CDC14B: variants seen among roughly 807,000 people sequenced by gnomAD.
CDC14B encodes the protein dual specificity protein phosphatase CDC14B.
Under a neutral mutation model 64.2 loss-of-function variants are expected in CDC14B, and 22 were observed. The observed-to-expected ratio is 0.34, with a 90% CI of 0.24 to 0.49. The LOEUF (loss-of-function observed/expected upper bound fraction) is 0.49, where lower values mean the gene tolerates loss of function less well. Ranked by LOEUF, CDC14B falls within the 20% of genes least tolerant of loss-of-function variation. The pLI is 0.99. For missense variants in CDC14B, 498 were observed against 629.9 expected (o/e 0.79, Z 2.24); for synonymous variants, 191 against 215.8 (o/e 0.89, Z 1.01).
intron 9 of CDC14B, among the ~76,000 whole-genome samples, chr9:96,527,243 C>T (rs1024718342): frequency 1.3e-5 from 2 of 152,046 alleles, no homozygotes; most frequent in African/African-American, 4.8e-5. Flanking sequence ...AGTAAAAATA[C>T]AAAAAATTAG....
intron 1 of CDC14B, among the ~76,000 whole-genome samples, chr9:96,576,365 T>C (rs907916412): frequency 6.6e-6 from 1 of 151,342 alleles, no homozygotes; most frequent in Non-Finnish European, 1.5e-5. Flanking sequence ...GCAAGGTCGC[T>C]CATGCCTGTA....
At chr9:96,594,714 CAAAAAAAAAAAAAA>C (rs11414625) in intron 1 of CDC14B, among the ~76,000 whole-genome samples, 704 of 42,460 alleles carry the variant, frequency 0.017, 19 homozygotes, top group African/African-American at 0.059. Context: ...AAGGCTGTCT[CAAAAAAAAAAAAAA>C]AAAAAAAAAA....
intron 1 of CDC14B, among the ~76,000 whole-genome samples, chr9:96,616,100 G>C (rs1003087644): frequency 3.3e-5 from 5 of 151,678 alleles, no homozygotes; most frequent in Admixed American, 3.3e-4. Flanking sequence ...TCTAGGCTGG[G>C]GGGGATCACG....
In CDC14B at chr9:96,584,204, T is replaced by C. The variant is rs1172809133; in HGVS notation, c.161-18721A>G. Among the ~76,000 whole-genome samples the C allele has an allele frequency of 2.0e-5, 3 of 152,206 alleles. No homozygotes were observed. The East Asian group carries it at 5.8e-4, about 29-fold the overall frequency. ...TAAATATGCATTGAATGAACGACTG[T>C]TGAGTGGCAGACTTTTTCATCTGAG... On this transcript the variant is annotated intron_variant, in intron 1 of 13. Coordinates refer to ENST00000375241, the MANE Select transcript of CDC14B (RefSeq NM_033331.4).
intron 1 of CDC14B, among the ~76,000 whole-genome samples, chr9:96,569,227 G>A (rs1322659767): frequency 6.6e-6 from 1 of 152,160 alleles, no homozygotes. Flanking sequence ...TTCCAAAGCC[G>A]ACTCTTGATC....
chr9:96,493,924 C>T (rs961087618), intron 13 of CDC14B, among the ~76,000 whole-genome samples: 2 of 152,232 alleles, frequency 1.3e-5, no homozygotes, highest in African/African-American at 2.4e-5. Context: ...TCCCAGGACT[C>T]GCGCTGCCTC....
chr9:96,581,481 A>ATTAATTTAATTAAT (rs202159913), intron 1 of CDC14B, among the ~76,000 whole-genome samples: 20 of 150,996 alleles, frequency 1.3e-4, no homozygotes, highest in African/African-American at 4.9e-4. Flanking sequence ...AATTAAATTA[A>ATTAATTTAATTAAT]TTAATTAAAT....
chr9:96,616,397 G>A (rs1199936119), intron 1 of CDC14B, among the ~76,000 whole-genome samples: 2 of 151,810 alleles, frequency 1.3e-5, no homozygotes, highest in African/African-American at 4.8e-5. Flanking sequence ...AAAATTGAAG[G>A]AGGAAAAACA....
chr9:96,570,725 T>A (rs1844415590), intron 1 of CDC14B, among the ~76,000 whole-genome samples: 1 of 152,108 alleles, frequency 6.6e-6, no homozygotes, highest in African/African-American at 2.4e-5. Flanking sequence ...CCAACGATGA[T>A]GGAGAGTTTA....
At chr9:96,553,335 T>C (rs987901909) in intron 4 of CDC14B, among the ~76,000 whole-genome samples, 1 of 151,596 alleles carries the variant, frequency 6.6e-6, no homozygotes, top group Non-Finnish European at 1.5e-5. Context: ...ATGACTGGCC[T>C]GTTTCTGTTT....
At chr9:96,557,679 A>G (rs1282173977) in intron 4 of CDC14B, among the ~76,000 whole-genome samples, 1 of 152,222 alleles carries the variant, frequency 6.6e-6, no homozygotes, top group East Asian at 1.9e-4. Flanking sequence ...TTTAATTAGT[A>G]TCATCATTTT....
chr9:96,570,424 C>T (rs1198865198), intron 1 of CDC14B, among the ~76,000 whole-genome samples: 1 of 152,108 alleles, frequency 6.6e-6, no homozygotes, highest in Non-Finnish European at 1.5e-5. Context: ...CCTGGCAGAG[C>T]CAATGGAGAA....
At position 96,534,443 on chromosome 9, in the gene CDC14B, A is replaced by C; in HGVS notation, c.715+12T>G. 6.4e-7 allele frequency: 1 copy of C among 1,563,980 alleles called. No homozygotes were observed. Among genetic ancestry groups the C allele is most frequent in the Non-Finnish European group, 8.8e-7 (1 of 1,134,564 alleles). On this transcript the variant is annotated intron_variant, in intron 8 of 13. Coordinates refer to ENST00000375241, the MANE Select transcript of CDC14B (RefSeq NM_033331.4). ...AATAACAAAATGAGATTAATGCCAT[A>C]ATTTCACATACCACTTTCAAGTCTG... is the stretch of plus-strand genomic sequence containing the variant.
At chr9:96,521,316 T>A (rs1035168369) in intron 12 of CDC14B, among the ~76,000 whole-genome samples, 10 of 152,162 alleles carry the variant, frequency 6.6e-5, no homozygotes, top group Non-Finnish European at 1.5e-4. Context: ...TGACCTCAGG[T>A]GATCTGCCCA....
intron 5 of CDC14B, among the ~76,000 whole-genome samples, chr9:96,547,056 C>T (rs954347909): frequency 1.3e-5 from 2 of 148,976 alleles, no homozygotes; most frequent in East Asian, 2.1e-4. Flanking sequence ...AGCAAGACTC[C>T]GACTCAAAAA....
intron 1 of CDC14B, among the ~76,000 whole-genome samples, chr9:96,601,887 A>G (rs1846501547): frequency 6.6e-6 from 1 of 150,674 alleles, no homozygotes; most frequent in South Asian, 2.1e-4. Flanking sequence ...GTGAAATCCC[A>G]TCTCCACTAA....
chr9:96,516,537 T>TG (rs1242426425), intron 12 of CDC14B, among the ~76,000 whole-genome samples: 1 of 152,104 alleles, frequency 6.6e-6, no homozygotes, highest in African/African-American at 2.4e-5. Flanking sequence ...CGGAGTGCAA[T>TG]GGCGTGATTT....
At chr9:96,499,053 C>G (rs1431201697), downstream of CDC14B, among the ~76,000 whole-genome samples, 1 of 152,238 alleles carries the variant, frequency 6.6e-6, no homozygotes, top group African/African-American at 2.4e-5. Context: ...CTTCACGGAG[C>G]TGCGTGGTGG....
Position 96,549,967 on chromosome 9 carries a change from G to A in CDC14B, c.497+1829C>T, listed in dbSNP as rs139584257. ...CCATGGATCCTTCATTGCACAGTGC[G>A]AAATGTGTGAGCATGTTCCTATTTC... On this transcript the variant is annotated intron_variant, in intron 5 of 13. Transcript: ENST00000375241. Among the ~76,000 whole-genome samples the A allele has an allele frequency of 2.6e-5, 4 of 152,276 alleles. No homozygotes were observed. The East Asian group carries it at 7.7e-4, about 29-fold the overall frequency.
Sources: allele counts gnomAD v4.1 joint callset (sites outside exome capture counted in the v4.1 genomes callset), GRCh38; gene constraint gnomAD v4.1.1; transcripts MANE v1.5; gene names NCBI Gene and HGNC (gene_info 2026-07-23, HGNC 2026-07-21).